Variants in DYRK3 observed in about 807,000 individuals in gnomAD.
DYRK3 encodes the protein dual specificity tyrosine phosphorylation regulated kinase 3.
In DYRK3, 30 loss-of-function variants were observed where a neutral mutation model predicts 40.8. The ratio of observed to expected loss-of-function variants is 0.74; its 90% CI spans 0.55 to 1.00. DYRK3 has a LOEUF of 1.00. Among genes scored for constraint, DYRK3 ranks in the 50% least tolerant of loss-of-function variants. The pLI is 0.00. For synonymous variants in DYRK3, 272 were observed against 260.7 expected, an observed-to-expected ratio of 1.04 and a Z score of -0.42; for missense variants, 699 against 731.5, an observed-to-expected ratio of 0.96 and a Z score of 0.51.
At chr1:206,640,547 ATTTT>A (rs11301093) in intron 2 of DYRK3, among the ~76,000 whole-genome samples, 10 of 126,342 alleles carry the variant, frequency 7.9e-5, no homozygotes, top group African/African-American at 8.9e-5. Context: ...TCTCAGCAAG[ATTTT>A]TTTTTTTTTT....
chr1:206,637,687 G>A lies in DYRK3; in HGVS notation c.115G>A (p.Asp39Asn). The stretch of plus-strand genomic sequence containing the variant: ...TGTCTATGACACCTTCATGATGATA[G>A]ATGAAACCAAATGTCCCCCCTGTTC... The part of the protein sequence containing the change: ...DGVYDTFMMI[D>N]ETKCPPCSNV... The change falls in exon 2 of 3, where the codon GAT becomes AAT. Residue 39 changes from aspartate (D) to asparagine (N), a missense_variant. Transcript: ENST00000367109. The A allele has an allele frequency of 6.2e-7, 1 of 1,613,996 alleles. No individual in the cohort carries two copies. The highest frequency in any genetic ancestry group is 8.5e-7 in the Non-Finnish European group (1 of 1,179,960).
chr1:206,641,846 A>G (rs577635600), intron 2 of DYRK3, among the ~76,000 whole-genome samples: 6 of 150,818 alleles, frequency 4.0e-5, no homozygotes, highest in Non-Finnish European at 7.3e-5. Flanking sequence ...CCTAGGCAAT[A>G]CCATTCAGGA....
chr1:206,647,101 C>T (rs17013564), intron 2 of DYRK3, among the ~76,000 whole-genome samples: 5,731 of 151,924 alleles, frequency 0.038, 258 homozygotes, highest in South Asian at 0.25. Flanking sequence ...TACAAGGACA[C>T]ATCTGTAAGA....
chr1:206,642,415 C>A (rs1671317618), intron 2 of DYRK3, among the ~76,000 whole-genome samples: 1 of 152,108 alleles, frequency 6.6e-6, no homozygotes, highest in Admixed American at 6.5e-5. Flanking sequence ...TTGACCCAGC[C>A]ATCCCATTAC....
chr1:206,637,104 C>G (rs1260463370), intron 1 of DYRK3: 5 of 641,472 alleles, frequency 7.8e-6, no homozygotes, highest in African/African-American at 7.3e-5. Context: ...CTTAAAAAGG[C>G]CTTTTATTTC....
intron 2 of DYRK3, among the ~76,000 whole-genome samples, chr1:206,642,301 A>G (rs1416638744): frequency 6.8e-6 from 1 of 147,022 alleles, no homozygotes; most frequent in Non-Finnish European, 1.5e-5. Flanking sequence ...GAGGATGTGG[A>G]GAAATAGGAA....
At chr1:206,641,538 A>G (rs1457433520) in intron 2 of DYRK3, among the ~76,000 whole-genome samples, 1 of 150,478 alleles carries the variant, frequency 6.6e-6, no homozygotes, top group East Asian at 2.0e-4. Context: ...ATAGTTTAAT[A>G]TGTGTGAACA....
intron 1 of DYRK3, chr1:206,636,935 C>G (rs200583831): frequency 2.5e-6 from 4 of 1,613,024 alleles, no homozygotes; most frequent in Non-Finnish European, 3.4e-6. Flanking sequence ...AATTTTGCCT[C>G]CACCATCCAC....
intron 2 of DYRK3, among the ~76,000 whole-genome samples, chr1:206,645,696 T>A (rs1671431544): frequency 6.6e-6 from 1 of 150,982 alleles, no homozygotes; most frequent in African/African-American, 2.4e-5. Context: ...TTTTTTTTTT[T>A]TTGTATTTTT....
chr1:206,636,416 G>A (rs1671112708), intron 1 of DYRK3, among the ~76,000 whole-genome samples: 1 of 152,174 alleles, frequency 6.6e-6, no homozygotes, highest in African/African-American at 2.4e-5. Context: ...CTTTATATAT[G>A]TGGACGCCTA....
At chr1:206,635,998 G>A in intron 1 of DYRK3, 2 of 1,424,330 alleles carry the variant, frequency 1.4e-6, no homozygotes, top group Non-Finnish European at 1.8e-6. Context: ...GGCTAGAGCG[G>A]AGTTAGAGCA....
At chr1:206,642,754 A>G (rs141407487) in intron 2 of DYRK3, among the ~76,000 whole-genome samples, 120 of 152,162 alleles carry the variant, frequency 7.9e-4, no homozygotes, top group Non-Finnish European at 1.6e-3. Context: ...GGTGGGGAAC[A>G]TCACACACCA....
At chr1:206,638,168 C>T (rs1291898322) in intron 2 of DYRK3, among the ~76,000 whole-genome samples, 1 of 150,792 alleles carries the variant, frequency 6.6e-6, no homozygotes, top group East Asian at 1.9e-4. Flanking sequence ...ATGCAGTCTT[C>T]GTTTATTAGT....
intron 2 of DYRK3, among the ~76,000 whole-genome samples, chr1:206,640,532 C>G (rs6674327): frequency 0.38 from 56,340 of 147,344 alleles, 10,907 homozygotes; most frequent in South Asian, 0.43. Flanking sequence ...TATTCCTTTT[C>G]AATTTCTCAG....
Position 206,649,107 on chromosome 1 carries a change from T to TCA in DYRK3, c.*142_*143insCA. On this transcript the variant is annotated 3_prime_UTR_variant, in exon 3 of 3. Transcript: ENST00000367109. ...AACAAGACAAAACATTTTTATATGA[T>TCA]TATAAAAGAATTCTTCAAGGGCTAA... is the stretch of plus-strand genomic sequence containing the variant. 1.1e-6 allele frequency: 1 copy of TCA among 887,658 alleles called. No individual in the cohort carries two copies. Among genetic ancestry groups the TCA allele is most frequent in the Non-Finnish European group, 1.6e-6 (1 of 607,474 alleles). The allele number at this position is 887,658 out of a possible 1,614,324, so 55.0% of individuals were successfully genotyped here.
Position 206,635,596 on chromosome 1 carries a change from G to T in DYRK3, c.-108G>T, listed in dbSNP as rs1396875705. ...GCTGAGCTGCAGTGTCTGGTCGAGA[G>T]TACCCGTGGGAGCGTCGCGCCGCGG... On this transcript the variant is annotated 5_prime_UTR_variant, in exon 1 of 3. Coordinates refer to ENST00000367109, the MANE Select transcript of DYRK3 (RefSeq NM_003582.4). 2.5e-6 allele frequency: 3 copies of T among 1,211,606 alleles called. No individual in the cohort carries two copies. The East Asian group carries it at 9.5e-5, about 38-fold the overall frequency. The allele number at this position is 1,211,606 out of a possible 1,614,324, so 75.1% of individuals were successfully genotyped here. A position where few individuals can be genotyped will look rare whatever the true frequency, so the allele number is the denominator to read the frequency against.
At position 206,649,084 on chromosome 1, in the gene DYRK3, C is replaced by A; in HGVS notation, c.*119C>A. 1 of 1,044,232 alleles carries A rather than the reference C, an allele frequency of 9.6e-7. No individual in the cohort carries two copies. Among genetic ancestry groups the A allele is most frequent in the South Asian group, 1.8e-5 (1 of 55,342 alleles). The allele number at this position is 1,044,232 out of a possible 1,614,324, so 64.7% of individuals were successfully genotyped here. On this transcript the variant is annotated 3_prime_UTR_variant, in exon 3 of 3. Coordinates refer to ENST00000367109, the MANE Select transcript of DYRK3 (RefSeq NM_003582.4). ...TTTGTTAGAGTAGACTTTTTTTAAA[C>A]AAGACAAAACATTTTTATATGATTA...
rs782429576 is a variant in DYRK3 at position 206,647,376 on chromosome 1, T to C, written c.190-12T>C. 14 of 1,565,572 alleles carry C rather than the reference T, an allele frequency of 8.9e-6. No individual in the cohort carries two copies. Among genetic ancestry groups the C allele is most frequent in the African/African-American group, 1.4e-5 (1 of 72,838 alleles). ...TGTTTTTAATGACTTATATTCATTT[T>C]CTCTTTCATAGATGACCACTGAGCA... On this transcript the variant is annotated splice_polypyrimidine_tract_variant and intron_variant, in intron 2 of 2. Coordinates refer to ENST00000367109, the MANE Select transcript of DYRK3 (RefSeq NM_003582.4).
rs1047498877 is a variant in DYRK3 at position 206,652,223 on chromosome 1, C to T, written c.*3258C>T. ...GATCTCCTGCATTATCTAGGCAGAG[C>T]ATATGTTGAGGTTGTTTTGCCAGTT... On this transcript the variant is annotated 3_prime_UTR_variant, in exon 3 of 3. Transcript: ENST00000367109. 1.3e-5 allele frequency among the ~76,000 whole-genome samples: 2 copies of T among 152,208 alleles called. No homozygotes were observed. The highest frequency in any genetic ancestry group is 2.9e-5 in the Non-Finnish European group (2 of 68,048).
Sources: allele counts gnomAD v4.1 joint callset (sites outside exome capture counted in the v4.1 genomes callset), GRCh38; gene constraint gnomAD v4.1.1; transcripts MANE v1.5; gene names NCBI Gene and HGNC (gene_info 2026-07-23, HGNC 2026-07-21).